The following PID1 variants were observed in gnomAD, a reference collection of about 807,000 sequenced individuals.
PID1 encodes the protein PTB-containing, cubilin and LRP1-interacting protein.
In PID1, 10 loss-of-function variants were observed where a neutral mutation model predicts 19.1. The ratio of observed to expected loss-of-function variants is 0.52; its 90% confidence interval spans 0.32 to 0.89. The LOEUF (loss-of-function observed/expected upper bound fraction) is 0.89, where lower values mean the gene tolerates loss of function less well. Among genes scored for constraint, PID1 ranks in the 40% least tolerant of loss-of-function variants. The pLI is 0.03. For missense variants in PID1, 248 were observed against 285.3 expected (o/e 0.87, Z 0.94); for synonymous variants, 130 against 116.0 (o/e 1.12, Z -0.78).
intron 1 of PID1, among the ~76,000 whole-genome samples, chr2:229,251,696 C>A (rs561166936): frequency 6.6e-6 from 1 of 152,130 alleles, no homozygotes; most frequent in African/African-American, 2.4e-5. Flanking sequence ...TTAAAAGCTT[C>A]AAATCAAAAT....
At chr2:229,035,611 C>T (rs1559203504) in intron 2 of PID1, among the ~76,000 whole-genome samples, 1 of 151,890 alleles carries the variant, frequency 6.6e-6, no homozygotes, top group Non-Finnish European at 1.5e-5. Flanking sequence ...GAACACTTGC[C>T]CCAAATCCCA....
chr2:229,173,736 C>CCTCA (rs1198985026), intron 1 of PID1, among the ~76,000 whole-genome samples: 1 of 152,200 alleles, frequency 6.6e-6, no homozygotes, highest in Non-Finnish European at 1.5e-5. Flanking sequence ...TTCCCTTATC[C>CCTCA]CTCAGGCCTC....
chr2:229,261,550 T>C (rs1460114871), intron 1 of PID1, among the ~76,000 whole-genome samples: 1 of 152,222 alleles, frequency 6.6e-6, no homozygotes, highest in East Asian at 1.9e-4. Context: ...TCTGTGAATT[T>C]ATTCTCAGAC....
intron 2 of PID1, among the ~76,000 whole-genome samples, chr2:229,124,213 G>A (rs1371266338): frequency 6.6e-6 from 1 of 152,164 alleles, no homozygotes; most frequent in African/African-American, 2.4e-5. Flanking sequence ...TTTCAAAAGG[G>A]AAGTTAGGGG....
intron 2 of PID1, among the ~76,000 whole-genome samples, chr2:229,040,766 T>C (rs1299216937): frequency 6.6e-6 from 1 of 152,242 alleles, no homozygotes. Context: ...AGAAAAACTA[T>C]AAACCATCAT....
chr2:229,129,722 A>G (rs945363904), intron 2 of PID1, among the ~76,000 whole-genome samples: 3 of 152,130 alleles, frequency 2.0e-5, no homozygotes, highest in African/African-American at 7.2e-5. Flanking sequence ...CATATTAGTC[A>G]TGGTTTCTTC....
At chr2:229,030,589 C>CTT (rs1553552896) in intron 2 of PID1, among the ~76,000 whole-genome samples, 2 of 100,832 alleles carry the variant, frequency 2.0e-5, no homozygotes, top group Non-Finnish European at 4.2e-5. Context: ...GGCACACTTT[C>CTT]TCTCTCTCTG....
At chr2:229,121,038 G>A (rs2106158182) in intron 2 of PID1, among the ~76,000 whole-genome samples, 1 of 152,146 alleles carries the variant, frequency 6.6e-6, no homozygotes, top group South Asian at 2.1e-4. Flanking sequence ...CCAGCATGAA[G>A]AACTGTGAGC....
chr2:229,217,955 C>T (rs2106255688), intron 1 of PID1, among the ~76,000 whole-genome samples: 1 of 152,286 alleles, frequency 6.6e-6, no homozygotes, highest in African/African-American at 2.4e-5. Flanking sequence ...CTATAATGAC[C>T]TGTAAGATTC....
chr2:229,034,504 A>T (rs1051256271), intron 2 of PID1, among the ~76,000 whole-genome samples: 1 of 152,104 alleles, frequency 6.6e-6, no homozygotes, highest in Non-Finnish European at 1.5e-5. Flanking sequence ...GCCACATCCC[A>T]ACTGCCCTTC....
chr2:229,107,404 A>G (rs1695198766), intron 2 of PID1, among the ~76,000 whole-genome samples: 1 of 151,982 alleles, frequency 6.6e-6, no homozygotes, highest in Admixed American at 6.6e-5. Flanking sequence ...GGAGACAATG[A>G]AATGGTTTGG....
chr2:229,026,958 T>G (rs1292499182), intron 2 of PID1, among the ~76,000 whole-genome samples: 1 of 152,222 alleles, frequency 6.6e-6, no homozygotes, highest in Non-Finnish European at 1.5e-5. Flanking sequence ...ACAGAATTAC[T>G]ATTATTGGGG....
At chr2:229,035,046 A>T (rs986418348) in intron 2 of PID1, among the ~76,000 whole-genome samples, 1 of 152,112 alleles carries the variant, frequency 6.6e-6, no homozygotes, top group African/African-American at 2.4e-5. Flanking sequence ...AACTTCTATA[A>T]TAAGGCATAT....
intron 2 of PID1, among the ~76,000 whole-genome samples, chr2:229,054,948 C>T (rs941000953): frequency 3.3e-5 from 5 of 152,068 alleles, no homozygotes; most frequent in Admixed American, 3.3e-4. Flanking sequence ...TCTTTTAACA[C>T]AAACTAGAAG....
chr2:229,253,347 T>C (rs573092530), intron 1 of PID1, among the ~76,000 whole-genome samples: 65 of 152,308 alleles, frequency 4.3e-4, no homozygotes, highest in African/African-American at 1.6e-3. Context: ...AATGACACTC[T>C]GCTTTTTCAG....
chr2:229,166,460 A>AG (rs1317055926), intron 1 of PID1, among the ~76,000 whole-genome samples: 6 of 152,194 alleles, frequency 3.9e-5, no homozygotes, highest in Non-Finnish European at 5.9e-5. Flanking sequence ...TATTTTTCAG[A>AG]GAAAAAATAG....
chr2:229,196,041 G>A (rs946943559), intron 1 of PID1, among the ~76,000 whole-genome samples: 8 of 152,008 alleles, frequency 5.3e-5, no homozygotes, highest in South Asian at 2.1e-4. Flanking sequence ...GTTAAACATC[G>A]AGGTGAATAT....
chr2:229,198,928 G>A (rs1691433952), intron 1 of PID1, among the ~76,000 whole-genome samples: 3 of 151,948 alleles, frequency 2.0e-5, no homozygotes, highest in Admixed American at 2.0e-4. Flanking sequence ...ATATAATGTC[G>A]ACTCTGTTTT....
chr2:229,138,390 A>G (rs11900227), intron 2 of PID1, among the ~76,000 whole-genome samples: 59,943 of 151,940 alleles, frequency 0.39, 12,017 homozygotes, highest in South Asian at 0.57. Flanking sequence ...CTGCTCTTCA[A>G]TATAGGTACC....
Sources: allele counts gnomAD v4.1 joint callset (sites outside exome capture counted in the v4.1 genomes callset), GRCh38; gene constraint gnomAD v4.1.1; transcripts MANE v1.5; gene names NCBI Gene and HGNC (gene_info 2026-07-23, HGNC 2026-07-21).